The following GPC6 variants were observed in gnomAD, a reference collection of about 807,000 sequenced individuals.
GPC6 encodes the protein glypican-6.
A neutral mutation model predicts 55.2 loss-of-function variants in GPC6; 14 were observed. The ratio of observed to expected loss-of-function variants is 0.25; its 90% CI spans 0.17 to 0.40. The LOEUF (loss-of-function observed/expected upper bound fraction) is 0.40. GPC6 is among the 10% of genes least tolerant of loss of function. The pLI, the probability that GPC6 is intolerant of heterozygous loss-of-function variation, is 1.00. For missense variants in GPC6, 641 were observed against 708.5 expected (o/e 0.90, Z 1.08); for synonymous variants, 278 against 259.6 (o/e 1.07, Z -0.68).
intron 3 of GPC6, among the ~76,000 whole-genome samples, chr13:93,902,780 G>A (rs1876431347): frequency 6.6e-6 from 1 of 152,160 alleles, no homozygotes; most frequent in Non-Finnish European, 1.5e-5. Context: ...TTTTGCTGAT[G>A]ATTAGTGATG....
At chr13:93,872,101 A>T (rs1405349056) in intron 3 of GPC6, among the ~76,000 whole-genome samples, 1 of 151,956 alleles carries the variant, frequency 6.6e-6, no homozygotes, top group Non-Finnish European at 1.5e-5. Flanking sequence ...CTCTGACATT[A>T]TTTACATAAA....
At chr13:94,279,324 T>C (rs988912557) in intron 4 of GPC6, among the ~76,000 whole-genome samples, 1 of 152,022 alleles carries the variant, frequency 6.6e-6, no homozygotes, top group Non-Finnish European at 1.5e-5. Context: ...TATTCTTCTC[T>C]TTCCTTTTTA....
At chr13:93,721,139 A>G (rs1324067787) in intron 2 of GPC6, among the ~76,000 whole-genome samples, 1 of 151,992 alleles carries the variant, frequency 6.6e-6, no homozygotes, top group African/African-American at 2.4e-5. Context: ...TGTCTCATTG[A>G]TCTGTCTAAT....
chr13:93,785,776 C>G (rs1284664638), intron 2 of GPC6, among the ~76,000 whole-genome samples: 1 of 152,034 alleles, frequency 6.6e-6, no homozygotes, highest in Non-Finnish European at 1.5e-5. Flanking sequence ...GCCTGGGCAA[C>G]ATAGCAAGAC....
chr13:93,427,328 T>C (rs914430191), intron 1 of GPC6, among the ~76,000 whole-genome samples: 2 of 151,712 alleles, frequency 1.3e-5, no homozygotes, highest in Non-Finnish European at 2.9e-5. Context: ...GCTGGAGGCA[T>C]CACACTACCT....
intron 3 of GPC6, among the ~76,000 whole-genome samples, chr13:94,026,265 A>G (rs1335393395): frequency 5.3e-5 from 8 of 152,202 alleles, no homozygotes; most frequent in Non-Finnish European, 1.2e-4. Context: ...GCTTGCATTA[A>G]GAATCTCAAA....
chr13:93,828,343 A>C (rs2138977007), intron 2 of GPC6, among the ~76,000 whole-genome samples: 1 of 152,226 alleles, frequency 6.6e-6, no homozygotes, highest in Middle Eastern at 3.4e-3. Flanking sequence ...CGGAAGGTTT[A>C]ACTTATGATA....
intron 2 of GPC6, among the ~76,000 whole-genome samples, chr13:93,694,181 A>G (rs1882363099): frequency 6.6e-6 from 1 of 152,122 alleles, no homozygotes; most frequent in South Asian, 2.1e-4. Context: ...CCCTGTTAAG[A>G]ACTCTGTAAA....
At chr13:93,791,726 G>A (rs962682097) in intron 2 of GPC6, among the ~76,000 whole-genome samples, 1 of 152,050 alleles carries the variant, frequency 6.6e-6, no homozygotes, top group Non-Finnish European at 1.5e-5. Flanking sequence ...CTGACAGTCT[G>A]TTGACAGCTT....
At chr13:94,134,118 C>A (rs1445212858) in intron 4 of GPC6, among the ~76,000 whole-genome samples, 3 of 152,138 alleles carry the variant, frequency 2.0e-5, no homozygotes, top group African/African-American at 2.4e-5. Context: ...TCTGTGATTT[C>A]TTTTTCATTA....
chr13:93,688,679 C>T (rs774324978), intron 2 of GPC6, among the ~76,000 whole-genome samples: 11 of 151,912 alleles, frequency 7.2e-5, no homozygotes, highest in Non-Finnish European at 1.5e-4. Flanking sequence ...AAAGAGACAA[C>T]AATTGCATGA....
At chr13:93,727,645 A>G (rs1332651471) in intron 2 of GPC6, among the ~76,000 whole-genome samples, 1 of 152,204 alleles carries the variant, frequency 6.6e-6, no homozygotes, top group African/African-American at 2.4e-5. Flanking sequence ...GAAACCAGCC[A>G]CAAACTGGTT....
At chr13:93,591,089 A>G (rs1877446624) in intron 2 of GPC6, among the ~76,000 whole-genome samples, 1 of 151,676 alleles carries the variant, frequency 6.6e-6, no homozygotes, top group Non-Finnish European at 1.5e-5. Flanking sequence ...GATAAAATGT[A>G]ACTGAAATAT....
intron 2 of GPC6, among the ~76,000 whole-genome samples, chr13:93,618,699 C>G (rs1039328320): frequency 4.6e-5 from 7 of 152,052 alleles, no homozygotes; most frequent in African/African-American, 1.7e-4. Flanking sequence ...TTAATTAACT[C>G]TACTAGGATT....
intron 4 of GPC6, among the ~76,000 whole-genome samples, chr13:94,157,030 G>A (rs368472003): frequency 6.6e-6 from 1 of 152,304 alleles, no homozygotes; most frequent in East Asian, 1.9e-4. Context: ...AAGCTATGGG[G>A]CAGACGTGGA....
intron 3 of GPC6, among the ~76,000 whole-genome samples, chr13:93,983,699 G>C (rs1880903886): frequency 6.6e-6 from 1 of 151,582 alleles, no homozygotes; most frequent in African/African-American, 2.4e-5. Context: ...TAGACAGACA[G>C]ACAGAGAACT....
At chr13:93,304,047 T>C (rs938108523) in intron 1 of GPC6, among the ~76,000 whole-genome samples, 7 of 152,018 alleles carry the variant, frequency 4.6e-5, no homozygotes, top group African/African-American at 1.7e-4. Context: ...TTTTGTATTT[T>C]AGTAGAGACG....
rs140379089 is a variant in GPC6, at chr13:93,244,635, G to A, written c.160+17019G>A. ...GCTCCCCAAATCAGCTCTAGCACCC[G>A]GTAGGGTTAAGGAGCTCCCCCATGG... On this transcript the variant is annotated intron_variant, in intron 1 of 8. Coordinates refer to ENST00000377047, the MANE Select transcript of GPC6 (RefSeq NM_005708.5). 2.5e-3 allele frequency among the ~76,000 whole-genome samples: 382 copies of A among 152,280 alleles called. 3 individuals are homozygous for A. The highest frequency in any genetic ancestry group is 8.5e-3 in the African/African-American group (354 of 41,556).
chr13:93,583,778 C>T (rs955132950), intron 2 of GPC6, among the ~76,000 whole-genome samples: 1 of 152,262 alleles, frequency 6.6e-6, no homozygotes, highest in African/African-American at 2.4e-5. Flanking sequence ...ATATTATATA[C>T]GGACTAATAG....
Sources: gnomAD v4.1 joint callset for allele counts (sites outside exome capture counted in the v4.1 genomes callset) on GRCh38, gnomAD v4.1.1 for gene constraint, MANE v1.5 for transcripts, NCBI Gene and HGNC (gene_info 2026-07-23, HGNC 2026-07-21) for gene names.